Variants in SOX5 observed in about 807,000 individuals in gnomAD.
The protein encoded by SOX5 is transcription factor SOX-5.
In SOX5, 9 loss-of-function variants were observed where a neutral mutation model predicts 92.0. That is an observed-to-expected ratio of 0.10 (90% CI 0.06 to 0.17). The LOEUF is 0.17. Ranked by LOEUF, SOX5 falls within the 10% of genes least tolerant of loss-of-function variation. The pLI, the probability that SOX5 is intolerant of heterozygous loss-of-function variation, is 1.00. For synonymous variants in SOX5, 344 were observed against 336.3 expected (o/e 1.02, Z -0.25); for missense variants, 642 against 944.5 (o/e 0.68, Z 4.20).
intron 4 of SOX5, among the ~76,000 whole-genome samples, chr12:24,210,757 G>C (rs2139666459): frequency 6.6e-6 from 1 of 152,244 alleles, no homozygotes; most frequent in Non-Finnish European, 1.5e-5. Flanking sequence ...AAAAAGGATA[G>C]CTGTATTATC....
chr12:23,628,559 A>G (rs1394319364), intron 8 of SOX5, among the ~76,000 whole-genome samples: 1 of 152,098 alleles, frequency 6.6e-6, no homozygotes, highest in Admixed American at 6.6e-5. Context: ...ACTGTAGCAA[A>G]TAATTTGTGA....
chr12:23,794,062 A>C (rs1201360405), intron 3 of SOX5, among the ~76,000 whole-genome samples: 1 of 152,184 alleles, frequency 6.6e-6, no homozygotes, highest in Non-Finnish European at 1.5e-5. Flanking sequence ...TGTTTAATGT[A>C]ATATGAATTA....
rs181886743 is a variant in SOX5 at position 23,911,873 on chromosome 12, C to T, written c.39-15849G>A. On this transcript the variant is annotated intron_variant, in intron 1 of 14. Transcript: ENST00000451604. ...AGAAGGAAACACAGAAGAACATCTT[C>T]GTGGCCTTGGGTTAGGCAATGGTTT... Among the ~76,000 whole-genome samples, 35 of 152,182 alleles carry T rather than the reference C, an allele frequency of 2.3e-4. No homozygotes were observed. In the East Asian group the frequency reaches 5.6e-3, roughly 24 times the overall value.
In SOX5 at chr12:23,663,148, T is replaced by C. The variant is rs369770560; in HGVS notation, c.931+2296A>G. Among the ~76,000 whole-genome samples the C allele has an allele frequency of 5.8e-4, 88 of 152,210 alleles. No individual in the cohort carries two copies. The East Asian group carries it at 8.7e-3, about 15-fold the overall frequency. ...TCAAACTGAGTCAAAACGCCAGGGG[T>C]CAATGAGGGTGGCAGTTCCTTTTGC... On this transcript the variant is annotated intron_variant, in intron 7 of 14. Coordinates refer to ENST00000451604, the MANE Select transcript of SOX5 (RefSeq NM_006940.6).
At chr12:24,336,344 T>C (rs944405629) in intron 2 of SOX5, among the ~76,000 whole-genome samples, 1 of 152,042 alleles carries the variant, frequency 6.6e-6, no homozygotes, top group African/African-American at 2.4e-5. Flanking sequence ...CCGCCTGCCT[T>C]GGCCTCCCAA....
At chr12:24,115,230 A>C (rs1326154311) in intron 4 of SOX5, among the ~76,000 whole-genome samples, 1 of 152,128 alleles carries the variant, frequency 6.6e-6, no homozygotes, top group Admixed American at 6.5e-5. Context: ...TTGCTGTTCA[A>C]AACATAAACA....
intron 9 of SOX5, among the ~76,000 whole-genome samples, chr12:23,580,739 T>A (rs970302566): frequency 6.6e-6 from 1 of 152,064 alleles, no homozygotes. Context: ...TAATTATAGC[T>A]ACGATAACTT....
At chr12:24,464,207 T>C (rs771469552) in intron 1 of SOX5, among the ~76,000 whole-genome samples, 8 of 152,224 alleles carry the variant, frequency 5.3e-5, no homozygotes, top group Non-Finnish European at 7.3e-5. Flanking sequence ...GATGTGTGCA[T>C]GTAAGTATGT....
At chr12:24,532,373 C>T (rs529654964) in intron 1 of SOX5, among the ~76,000 whole-genome samples, 2 of 152,258 alleles carry the variant, frequency 1.3e-5, no homozygotes, top group Admixed American at 6.5e-5. Context: ...CAAACAACTA[C>T]GTGGGGGTCA....
intron 4 of SOX5, among the ~76,000 whole-genome samples, chr12:24,010,006 G>T (rs1952727383): frequency 6.6e-6 from 1 of 152,144 alleles, no homozygotes; most frequent in African/African-American, 2.4e-5. Flanking sequence ...CCATTAGCTG[G>T]TATTTTCTTA....
chr12:24,096,698 G>C (rs955177634), intron 4 of SOX5, among the ~76,000 whole-genome samples: 2 of 152,064 alleles, frequency 1.3e-5, no homozygotes, highest in Non-Finnish European at 2.9e-5. Context: ...CACATGTTAT[G>C]TATCTATTCA....
intron 3 of SOX5, among the ~76,000 whole-genome samples, chr12:23,842,981 G>A (rs530848883): frequency 6.6e-6 from 1 of 152,216 alleles, no homozygotes; most frequent in East Asian, 1.9e-4. Context: ...AATGATCAAG[G>A]CCAACACCAA....
intron 1 of SOX5, among the ~76,000 whole-genome samples, chr12:23,901,161 GAA>G (rs2097227708): frequency 6.6e-6 from 1 of 152,132 alleles, no homozygotes; most frequent in African/African-American, 2.4e-5. Flanking sequence ...AGAGGGAGAA[GAA>G]AAGTCAGAGT....
chr12:23,941,731 G>C (rs1943684911), intron 1 of SOX5, among the ~76,000 whole-genome samples: 1 of 151,536 alleles, frequency 6.6e-6, no homozygotes, highest in Non-Finnish European at 1.5e-5. Flanking sequence ...AGTTGAATTA[G>C]TGAATGCATA....
chr12:24,190,341 G>C (rs1331327051), intron 4 of SOX5, among the ~76,000 whole-genome samples: 1 of 152,176 alleles, frequency 6.6e-6, no homozygotes, highest in Non-Finnish European at 1.5e-5. Context: ...TCTAAACTCT[G>C]TTCATAAAAT....
intron 9 of SOX5, among the ~76,000 whole-genome samples, chr12:23,576,882 T>A (rs917188302): frequency 6.6e-6 from 1 of 151,894 alleles, no homozygotes; most frequent in African/African-American, 2.4e-5. Flanking sequence ...TATCTAATTT[T>A]ACATTAATAT....
At chr12:23,969,890 C>A (rs1274944381) in intron 4 of SOX5, among the ~76,000 whole-genome samples, 1 of 152,150 alleles carries the variant, frequency 6.6e-6, no homozygotes, top group African/African-American at 2.4e-5. Flanking sequence ...AACCAGCGAA[C>A]AAACAGTACA....
In SOX5 at chr12:23,531,374, C is replaced by T. The variant is rs745652630; in HGVS notation, c.*2845G>A. On this transcript the variant is annotated 3_prime_UTR_variant, in exon 15 of 15. Transcript: ENST00000451604. ...AAAATATAACAAAAAAAAGACCAAA[C>T]ACCAAAGTGTTGTCAATTCATCGGT... 6.6e-6 allele frequency: 1 copy of T among 152,104 alleles called. No individual in the cohort carries two copies. The highest frequency in any genetic ancestry group is 1.5e-5 in the Non-Finnish European group (1 of 67,998). 9.4% of individuals were successfully genotyped at this position (152,104 alleles called of 1,614,324 possible). A position where few individuals can be genotyped will look rare whatever the true frequency, so the allele number is the denominator to read the frequency against.
chr12:23,753,263 T>C (rs747102052), intron 4 of SOX5, among the ~76,000 whole-genome samples: 30 of 151,806 alleles, frequency 2.0e-4, no homozygotes, highest in Non-Finnish European at 1.2e-4. Context: ...AATTCACTGA[T>C]AGGAATTTAA....
Sources: allele counts gnomAD v4.1 joint callset (sites outside exome capture counted in the v4.1 genomes callset), GRCh38; gene constraint gnomAD v4.1.1; transcripts MANE v1.5; gene names NCBI Gene and HGNC (gene_info 2026-07-23, HGNC 2026-07-21).